Variants in SPECC1L observed in about 807,000 individuals in gnomAD.
The protein encoded by SPECC1L is sperm antigen with calponin homology and coiled-coil domains 1 like, also known as cytospin-A.
SPECC1L carries 40 observed loss-of-function variants against 116.8 expected under a neutral mutation model. The observed-to-expected ratio is 0.34, with a 90% CI of 0.27 to 0.45. SPECC1L has a LOEUF of 0.45. Ranked by LOEUF, SPECC1L falls within the 20% of genes least tolerant of loss-of-function variation. The probability of loss-of-function intolerance (pLI) is 1.00; values close to 1 mark genes in which losing one functional copy is unlikely to be tolerated. For synonymous variants in SPECC1L, 504 were observed against 500.6 expected, an observed-to-expected ratio of 1.01 and a Z score of -0.09; for missense variants, 1,110 against 1,373.6, an observed-to-expected ratio of 0.81 and a Z score of 3.03.
intron 3 of SPECC1L, among the ~76,000 whole-genome samples, chr22:24,303,875 G>GTT (rs986751146): frequency 1.3e-5 from 2 of 151,626 alleles, no homozygotes; most frequent in Admixed American, 6.6e-5. Context: ...GTGTGTGTGT[G>GTT]TGTGTGTGTG....
chr22:24,295,626 T>C (rs1191829705), intron 2 of SPECC1L, among the ~76,000 whole-genome samples: 2 of 152,110 alleles, frequency 1.3e-5, no homozygotes, highest in Non-Finnish European at 2.9e-5. Context: ...ACATGGTAGT[T>C]AGTCCCTTCA....
Position 24,379,498 on chromosome 22 carries a change from C to T in SPECC1L, c.3087+10178C>T, listed in dbSNP as rs1433410968. The stretch of plus-strand genomic sequence containing the variant: ...TCAGTTATTCCATGCCTCTTGGATT[C>T]TTCTATGTTTACCTTAATATATAGA... On this transcript the variant is annotated intron_variant, in intron 14 of 16. Coordinates refer to ENST00000314328, the MANE Select transcript of SPECC1L (RefSeq NM_015330.6). Among the ~76,000 whole-genome samples the T allele has an allele frequency of 2.0e-5, 3 of 152,080 alleles. No homozygotes were observed. In the East Asian group the frequency reaches 5.8e-4, roughly 29 times the overall value.
chr22:24,411,876 T>G (rs2042705783), intron 15 of SPECC1L, among the ~76,000 whole-genome samples, 172 bp downstream of exon 15: 2 of 152,252 alleles, frequency 1.3e-5, no homozygotes, highest in Non-Finnish European at 2.9e-5. Context: ...CCAGTCCCTG[T>G]CCCACCTTGT....
intron 8 of SPECC1L, among the ~76,000 whole-genome samples, chr22:24,333,216 A>G (rs2040974531): frequency 6.6e-6 from 1 of 152,208 alleles, no homozygotes. Flanking sequence ...AACAAGAGCG[A>G]AACTCCATCT....
chr22:24,391,888 G>T (rs1365808081), intron 14 of SPECC1L, among the ~76,000 whole-genome samples: 2 of 152,198 alleles, frequency 1.3e-5, no homozygotes, highest in Admixed American at 6.5e-5. Flanking sequence ...GTAATAAAAT[G>T]GTTTGTTTGC....
chr22:24,389,932 G>GTAA (rs2146728610), intron 14 of SPECC1L, among the ~76,000 whole-genome samples: 1 of 152,218 alleles, frequency 6.6e-6, no homozygotes, highest in Non-Finnish European at 1.5e-5. Flanking sequence ...TGTGGGTTGA[G>GTAA]TAGATTCTTA....
rs1328590757 is a variant in SPECC1L at position 24,411,846 on chromosome 22, G to T, written c.3204+142G>T. 28 of 749,184 alleles carry T rather than the reference G, an allele frequency of 3.7e-5. No individual in the cohort carries two copies. In the Admixed American group the frequency reaches 5.3e-4, roughly 14 times the overall value. The allele number at this position is 749,184 out of a possible 1,614,324, so 46.4% of individuals were successfully genotyped here. On this transcript the variant is annotated intron_variant, in intron 15 of 16. Transcript: ENST00000314328. The stretch of plus-strand genomic sequence containing the variant: ...GTGCCATCTGGGTCTTCTGGGATCA[G>T]GTCATTCATGCTGAGCCCACCAGTC...
intron 2 of SPECC1L, among the ~76,000 whole-genome samples, chr22:24,299,444 C>G (rs61302923): frequency 6.6e-6 from 1 of 152,046 alleles, no homozygotes; most frequent in Admixed American, 6.6e-5. Flanking sequence ...CTCAAAAAAA[C>G]GGTGAACAGG....
At chr22:24,346,152 G>A (rs981152632) in intron 10 of SPECC1L, among the ~76,000 whole-genome samples, 7 of 151,934 alleles carry the variant, frequency 4.6e-5, no homozygotes, top group Non-Finnish European at 8.8e-5. Context: ...GATTACAGGC[G>A]CCTGCCACCA....
intron 14 of SPECC1L, among the ~76,000 whole-genome samples, chr22:24,410,851 C>A (rs1248549554): frequency 6.6e-6 from 1 of 152,138 alleles, no homozygotes; most frequent in Non-Finnish European, 1.5e-5. Context: ...GCTTCAACAA[C>A]CAATGGAGAA....
intron 14 of SPECC1L, among the ~76,000 whole-genome samples, chr22:24,379,381 G>A (rs61180982): frequency 0.039 from 5,842 of 150,218 alleles, 368 homozygotes; most frequent in African/African-American, 0.14. Context: ...CCCTGTCTCC[G>A]AGAAAAAAGA....
intron 14 of SPECC1L, among the ~76,000 whole-genome samples, chr22:24,380,867 TTC>T (rs960802635): frequency 6.6e-6 from 1 of 152,190 alleles, no homozygotes; most frequent in Non-Finnish European, 1.5e-5. Context: ...CTTCCTTTTT[TTC>T]TCTTTTTTAA....
At chr22:24,276,578 G>A (rs546543358) in intron 1 of SPECC1L, 122 bp from the exon 2 acceptor site, 89 of 304,820 alleles carry the variant, frequency 2.9e-4, no homozygotes, top group South Asian at 2.3e-3. Flanking sequence ...GTTCAGCTTG[G>A]GCAGCATTGC....
intron 4 of SPECC1L, among the ~76,000 whole-genome samples, chr22:24,320,693 A>G (rs2040703614): frequency 6.6e-6 from 1 of 152,228 alleles, no homozygotes; most frequent in African/African-American, 2.4e-5. Flanking sequence ...AGTGCTAGGT[A>G]TGTGTTAGCT....
chr22:24,390,107 A>G lies in SPECC1L; in HGVS notation c.3087+20787A>G, dbSNP rs1298841906. On this transcript the variant is annotated intron_variant, in intron 14 of 16. Coordinates refer to ENST00000314328, the MANE Select transcript of SPECC1L (RefSeq NM_015330.6). ...GTGTCCAGCCTTGAAGGGGAATGTT[A>G]TTTCTACTCATCCCCTACCCCAACC... 3.4e-5 allele frequency among the ~76,000 whole-genome samples: 5 copies of G among 149,248 alleles called. No individual in the cohort carries two copies. The East Asian group carries it at 9.8e-4, about 29-fold the overall frequency.
intron 9 of SPECC1L, 101 bp from the exon 10 acceptor site, chr22:24,338,285 G>T (rs1342246064): frequency 3.1e-5 from 36 of 1,148,192 alleles, no homozygotes; most frequent in Non-Finnish European, 4.6e-5. Context: ...GTCCAGCGGG[G>T]TTTGAGAGCA....
intron 1 of SPECC1L, among the ~76,000 whole-genome samples, chr22:24,272,995 G>A (rs974977759): frequency 6.6e-6 from 1 of 152,190 alleles, no homozygotes; most frequent in Non-Finnish European, 1.5e-5. Flanking sequence ...GTGCACGTTG[G>A]TAGCCAACTA....
At chr22:24,392,775 T>C (rs1328254261) in intron 14 of SPECC1L, among the ~76,000 whole-genome samples, 1 of 152,196 alleles carries the variant, frequency 6.6e-6, no homozygotes, top group Non-Finnish European at 1.5e-5. Flanking sequence ...GTTTACAGTT[T>C]GGGTGGGGCT....
At chr22:24,398,990 A>G (rs1411322391) in intron 14 of SPECC1L, among the ~76,000 whole-genome samples, 1 of 152,236 alleles carries the variant, frequency 6.6e-6, no homozygotes, top group Non-Finnish European at 1.5e-5. Flanking sequence ...ATCTGTGGGA[A>G]AAGACAGTAA....
Sources: allele counts gnomAD v4.1 joint callset (sites outside exome capture counted in the v4.1 genomes callset), GRCh38; gene constraint gnomAD v4.1.1; transcripts MANE v1.5; gene names NCBI Gene and HGNC (gene_info 2026-07-23, HGNC 2026-07-21).